The following GABBR2 variants were observed in gnomAD, a reference collection of about 807,000 sequenced individuals.
GABBR2 encodes G-protein coupled receptor 51.
In GABBR2, 23 loss-of-function variants were observed where a neutral mutation model predicts 105.6. That is an observed-to-expected ratio of 0.22 (90% CI 0.16 to 0.31). The LOEUF is 0.31. GABBR2 is among the 10% of genes least tolerant of loss of function. The pLI, the probability that GABBR2 is intolerant of heterozygous loss-of-function variation, is 1.00. For synonymous variants in GABBR2, 478 were observed against 499.7 expected (o/e 0.96, Z 0.58); for missense variants, 734 against 1,245.5 (o/e 0.59, Z 6.18).
intron 1 of GABBR2, among the ~76,000 whole-genome samples, chr9:98,609,764 C>A (rs1436744553): frequency 2.0e-5 from 3 of 152,180 alleles, no homozygotes; most frequent in East Asian, 3.9e-4. Context: ...AGTGGCACAG[C>A]CCTTACATCC....
intron 2 of GABBR2, among the ~76,000 whole-genome samples, chr9:98,563,973 T>C (rs1020737533): frequency 6.6e-5 from 10 of 152,236 alleles, no homozygotes; most frequent in Admixed American, 1.3e-4. Context: ...AGCATAGTTA[T>C]TGATTTTCAC....
intron 1 of GABBR2, among the ~76,000 whole-genome samples, chr9:98,655,680 T>C (rs1025003669): frequency 5.9e-5 from 9 of 152,194 alleles, no homozygotes; most frequent in African/African-American, 2.2e-4. Flanking sequence ...GTTCATGTCC[T>C]TTGCAGGGAC....
At chr9:98,481,966 G>A (rs757720564) in intron 4 of GABBR2, among the ~76,000 whole-genome samples, 1 of 152,134 alleles carries the variant, frequency 6.6e-6, no homozygotes, top group Admixed American at 6.5e-5. Context: ...TGGGGCATTG[G>A]GATCCAGCTG....
At chr9:98,311,329 T>C in intron 13 of GABBR2, 124 bp from the exon 14 acceptor site, 1 of 629,442 alleles carries the variant, frequency 1.6e-6, no homozygotes, top group Non-Finnish European at 2.9e-6. Context: ...AGCAGGCCAT[T>C]TGGACCCCAT....
chr9:98,449,179 G>A (rs560018619), intron 7 of GABBR2, among the ~76,000 whole-genome samples: 1 of 152,310 alleles, frequency 6.6e-6, no homozygotes, highest in African/African-American at 2.4e-5. Flanking sequence ...TGGCTACCTT[G>A]CAATTATTGA....
At chr9:98,477,617 T>C (rs544159688) in intron 5 of GABBR2, among the ~76,000 whole-genome samples, 1 of 152,312 alleles carries the variant, frequency 6.6e-6, no homozygotes, top group African/African-American at 2.4e-5. Flanking sequence ...TGGGCCATCC[T>C]GAGTTCACAC....
At chr9:98,659,323 T>C (rs1287738562) in intron 1 of GABBR2, among the ~76,000 whole-genome samples, 3 of 152,190 alleles carry the variant, frequency 2.0e-5, no homozygotes, top group South Asian at 2.1e-4. Flanking sequence ...GAAATGTTTA[T>C]ACATCTTTTT....
At chr9:98,610,015 G>T (rs1829482094) in intron 1 of GABBR2, among the ~76,000 whole-genome samples, 1 of 152,236 alleles carries the variant, frequency 6.6e-6, no homozygotes, top group Non-Finnish European at 1.5e-5. Context: ...GAAGCACGTG[G>T]ATGTCAGGGG....
chr9:98,646,417 G>A (rs1248852089), intron 1 of GABBR2, among the ~76,000 whole-genome samples: 1 of 152,132 alleles, frequency 6.6e-6, no homozygotes, highest in Admixed American at 6.5e-5. Context: ...ACTCCACCGG[G>A]AGAGGACTCC....
At chr9:98,346,316 T>C (rs1440606048) in intron 13 of GABBR2, among the ~76,000 whole-genome samples, 1 of 152,280 alleles carries the variant, frequency 6.6e-6, no homozygotes, top group Non-Finnish European at 1.5e-5. Flanking sequence ...CTAAGTTCTT[T>C]GTTGTCATTT....
chr9:98,335,364 T>C lies in GABBR2; in HGVS notation c.1894-24159A>G, dbSNP rs1004199876. ...AGATTTTCTGGATTCAGCCTTTTCT[T>C]CTTTTACTTTCTAGTCGTAAAAATT... On this transcript the variant is annotated intron_variant, in intron 13 of 18. Coordinates refer to ENST00000259455, the MANE Select transcript of GABBR2 (RefSeq NM_005458.8). Among the ~76,000 whole-genome samples, 3 of 152,186 alleles carry C rather than the reference T, an allele frequency of 2.0e-5. No homozygotes were observed. The South Asian group carries it at 6.2e-4, about 32-fold the overall frequency.
rs763626191 is a variant in GABBR2 at position 98,578,104 on chromosome 9, A to G, written c.322-32T>C. 1.9e-6 allele frequency: 3 copies of G among 1,611,580 alleles called. No homozygotes were observed. In the South Asian group the frequency reaches 3.3e-5, roughly 18 times the overall value. On this transcript the variant is annotated intron_variant, in intron 1 of 18. Coordinates refer to ENST00000259455, the MANE Select transcript of GABBR2 (RefSeq NM_005458.8). ...AGCAACACATAGAAAGAAAGGTCCA[A>G]ATTAGAAACAGCTTTTCCCCAGGGG...
intron 3 of GABBR2, among the ~76,000 whole-genome samples, chr9:98,499,447 C>T (rs926850180): frequency 3.9e-5 from 6 of 152,184 alleles, no homozygotes; most frequent in Non-Finnish European, 7.3e-5. Context: ...CAGGCCAGAA[C>T]AGATGGTCAG....
intron 4 of GABBR2, among the ~76,000 whole-genome samples, chr9:98,483,381 C>T (rs1454685536): frequency 1.3e-5 from 2 of 152,140 alleles, no homozygotes; most frequent in African/African-American, 4.8e-5. Context: ...CCCCATCCAC[C>T]CATCGCCACA....
intron 13 of GABBR2, among the ~76,000 whole-genome samples, chr9:98,336,448 A>G (rs1831116680): frequency 6.6e-6 from 1 of 152,200 alleles, no homozygotes; most frequent in Non-Finnish European, 1.5e-5. Context: ...GCTCATGCCT[A>G]TAATCCCAGC....
At chr9:98,317,966 C>T (rs1200942969) in intron 13 of GABBR2, among the ~76,000 whole-genome samples, 1 of 152,192 alleles carries the variant, frequency 6.6e-6, no homozygotes, top group African/African-American at 2.4e-5. Context: ...GCAGTGGTGA[C>T]ATTTAGTCTG....
At chr9:98,389,792 T>TC (rs1420043338) in intron 9 of GABBR2, among the ~76,000 whole-genome samples, 3 of 152,192 alleles carry the variant, frequency 2.0e-5, no homozygotes, top group Non-Finnish European at 2.9e-5. Flanking sequence ...ATTCAGGGAC[T>TC]CCCCCAGCTT....
chr9:98,457,799 C>T (rs79068044), intron 6 of GABBR2, among the ~76,000 whole-genome samples: 1 of 152,256 alleles, frequency 6.6e-6, no homozygotes, highest in African/African-American at 2.4e-5. Context: ...TTGGGCAAGA[C>T]AATGACAGCA....
chr9:98,668,885 G>T (rs200190630), intron 1 of GABBR2, among the ~76,000 whole-genome samples: 3 of 54,762 alleles, frequency 5.5e-5, no homozygotes, highest in East Asian at 1.7e-3. Flanking sequence ...ATTCCATTTT[G>T]TGTGTGTGTG....
Sources: gnomAD v4.1 joint callset for allele counts (sites outside exome capture counted in the v4.1 genomes callset) on GRCh38, gnomAD v4.1.1 for gene constraint, MANE v1.5 for transcripts, NCBI Gene and HGNC (gene_info 2026-07-23, HGNC 2026-07-21) for gene names.